Variants in ITIH6 observed in about 807,000 individuals in gnomAD.
ITIH6 encodes inter-alpha-trypsin inhibitor heavy chain family member 6, also known as inter-alpha-trypsin inhibitor heavy chain H6.
In ITIH6, 60 loss-of-function variants were observed where a neutral mutation model predicts 58.2. The observed-to-expected ratio is 1.03, with a 90% CI of 0.84 to 1.28. ITIH6 has a LOEUF of 1.28. Among genes scored for constraint, ITIH6 ranks in the 50% most tolerant of loss-of-function variants. ITIH6 has a pLI of 0.00. For synonymous variants in ITIH6, 493 were observed against 417.4 expected (o/e 1.18, Z -2.21); for missense variants, 1,290 against 1,021.1 (o/e 1.26, Z -3.59).
In ITIH6 at chrX:54,790,372, A is replaced by T. The variant is rs188620191; in HGVS notation, c.616+465T>A. Among the ~76,000 whole-genome samples, 3 of 112,030 alleles carry T rather than the reference A, an allele frequency of 2.7e-5. No individual in the cohort carries two copies. The East Asian group carries it at 8.5e-4, about 32-fold the overall frequency. On this transcript the variant is annotated intron_variant, in intron 4 of 12. Transcript: ENST00000218436. ...AACCTCTAGGTGACATTTGAAGCAAACTTCTGAGGCAGGATGCTTCTCTTC... is the reference window on the plus strand; with the variant it reads ...AACCTCTAGGTGACATTTGAAGCAATCTTCTGAGGCAGGATGCTTCTCTTC...
At chrX:54,755,831 C>T (rs986673725) in intron 8 of ITIH6, among the ~76,000 whole-genome samples, 1 of 110,630 alleles carries the variant, frequency 9.0e-6, no homozygotes, top group Non-Finnish European at 1.9e-5. Context: ...ATGAAGAGGA[C>T]TTTTAACTTC....
At chrX:54,750,427 A>G (rs764430843) in intron 12 of ITIH6, among the ~76,000 whole-genome samples, 4 of 110,365 alleles carry the variant, frequency 3.6e-5, no homozygotes, top group African/African-American at 9.9e-5. Context: ...TATCTGTTTA[A>G]CCCACTGTCA....
At chrX:54,794,199 A>AG (rs778118153) in intron 2 of ITIH6, among the ~76,000 whole-genome samples, 11 of 109,000 alleles carry the variant, frequency 1.0e-4, no homozygotes, top group Non-Finnish European at 1.7e-4. Context: ...CTGGGGGGTG[A>AG]GGGGGGTAGG....
Position 54,772,551 on chromosome X carries a change from C to T in ITIH6, c.903+1530G>A, listed in dbSNP as rs147163845. ...CAAAAATAAAATTGTTTGATAATTTCGACATATCTGACATATTGAAGTCTG... is the reference window on the plus strand; with the variant it reads ...CAAAAATAAAATTGTTTGATAATTTTGACATATCTGACATATTGAAGTCTG... On this transcript the variant is annotated intron_variant, in intron 6 of 12. Coordinates refer to ENST00000218436, the MANE Select transcript of ITIH6 (RefSeq NM_198510.3). Among the ~76,000 whole-genome samples the T allele has an allele frequency of 3.7e-4, 42 of 112,257 alleles. No individual in the cohort carries two copies. The East Asian group carries it at 7.5e-3, about 20-fold the overall frequency.
At chrX:54,774,525 A>G (rs1929017471) in intron 5 of ITIH6, among the ~76,000 whole-genome samples, 1 of 112,985 alleles carries the variant, frequency 8.9e-6, no homozygotes, top group South Asian at 3.6e-4. Flanking sequence ...ACAGCCTTGA[A>G]GGTCCCTAGG....
At position 54,760,073 on chromosome X, in the gene ITIH6, T is replaced by A; in HGVS notation, c.904-146A>T. On this transcript the variant is annotated intron_variant, in intron 6 of 12. Coordinates refer to ENST00000218436, the MANE Select transcript of ITIH6 (RefSeq NM_198510.3). ...GCAGGACTCTGTGAATCTAGGATTC[T>A]CAGGTGAAAAGACTCTATGGGTTCC... The A allele has an allele frequency of 6.2e-6, 3 of 484,638 alleles. No homozygotes were observed. In the South Asian group the frequency reaches 1.2e-4, roughly 19 times the overall value. The allele number at this position is 484,638 out of a possible 1,213,427, so 39.9% of individuals were successfully genotyped here.
chrX:54,782,147 T>A (rs1929161684), intron 5 of ITIH6, among the ~76,000 whole-genome samples: 1 of 111,376 alleles, frequency 9.0e-6, no homozygotes, highest in Non-Finnish European at 1.9e-5. Flanking sequence ...TTGGACACAG[T>A]GGCTCATGCC....
At chrX:54,778,915 C>G (rs1256200069) in intron 5 of ITIH6, among the ~76,000 whole-genome samples, 1 of 108,790 alleles carries the variant, frequency 9.2e-6, no homozygotes, top group Non-Finnish European at 1.9e-5. Flanking sequence ...TAACAGACAT[C>G]TCCAATATTT....
At position 54,757,888 on chromosome X, in the gene ITIH6, A is replaced by G; in HGVS notation, c.2186T>C (p.Val729Ala). ...CAACAGAGTACCAGAATTTGAGGGC[A>G]CAAGAATGGTAGGTTTTGTCCTGAG... is the stretch of plus-strand genomic sequence containing the variant. ...PTLRTKPTIL[V>A]PSNSGTLLPL... Residue 729 changes from valine (V) to alanine (A), a missense_variant, in exon 8 of 13, where the codon GTG (valine) becomes GCG (alanine). Coordinates refer to ENST00000218436, the MANE Select transcript of ITIH6 (RefSeq NM_198510.3). The G allele has an allele frequency of 8.3e-7, 1 of 1,211,576 alleles. No homozygotes were observed. Among genetic ancestry groups the G allele is most frequent in the South Asian group, 1.8e-5 (1 of 56,954 alleles).
intron 6 of ITIH6, among the ~76,000 whole-genome samples, chrX:54,763,831 C>T (rs752852865): frequency 9.0e-6 from 1 of 111,682 alleles, no homozygotes; most frequent in Non-Finnish European, 1.9e-5. Context: ...TCAGTTTTTA[C>T]TTCATATATT....
chrX:54,781,115 G>A lies in ITIH6; in HGVS notation c.787-6918C>T, dbSNP rs991867591. ...CTCAAGATGGTTTAAAAACTTAAAC[G>A]TAAAACCCAAAACTATAAAAACCCT... On this transcript the variant is annotated intron_variant, in intron 5 of 12. Transcript: ENST00000218436. 7.2e-5 allele frequency among the ~76,000 whole-genome samples: 8 copies of A among 111,437 alleles called. No individual in the cohort carries two copies. The South Asian group carries it at 1.1e-3, about 16-fold the overall frequency.
In ITIH6 at chrX:54,758,044, G is replaced by A. The variant is rs112265894; in HGVS notation, c.2030C>T (p.Ser677Phe). 838 of 1,209,644 alleles carry A rather than the reference G, an allele frequency of 6.9e-4. 9 individuals are homozygous for A. In the African/African-American group the frequency reaches 0.012, roughly 17 times the overall value. Residue 677 changes from serine to phenylalanine, a missense_variant, in exon 8 of 13, where the codon TCT (serine) becomes TTT (phenylalanine). Ser to Phe is a radical substitution (Grantham distance 155). Coordinates refer to ENST00000218436, the MANE Select transcript of ITIH6 (RefSeq NM_198510.3). Reference sequence around the variant, plus strand: ...TTTGGAACTTAGCATCTTCTTGGTAGAGGCAGTAGTAGTTGAGGATAAGTA... The same window carrying A: ...TTTGGAACTTAGCATCTTCTTGGTAAAGGCAGTAGTAGTTGAGGATAAGTA... ...KFYLSSTTTA[S>F]TKKMLSSKEL...
At chrX:54,797,196 T>A in intron 1 of ITIH6, 100 bp from the exon 2 acceptor site, 1 of 672,048 alleles carries the variant, frequency 1.5e-6, no homozygotes, top group Non-Finnish European at 2.2e-6. Flanking sequence ...GGCCTCAAAG[T>A]ATACAGGTGG....
chrX:54,774,330 C>A, intron 5 of ITIH6, 133 bp from the exon 6 acceptor site: 1 of 341,678 alleles, frequency 2.9e-6, no homozygotes, highest in Non-Finnish European at 5.3e-6. Flanking sequence ...TCTAAACAGG[C>A]ATGTGTGTGA....
At chrX:54,783,221 C>T (rs1929179333) in intron 5 of ITIH6, among the ~76,000 whole-genome samples, 1 of 112,169 alleles carries the variant, frequency 8.9e-6, no homozygotes, top group Admixed American at 9.4e-5. Flanking sequence ...GACAGACCCA[C>T]AGCTAGTATC....
intron 6 of ITIH6, among the ~76,000 whole-genome samples, chrX:54,769,616 AG>A (rs1228616014): frequency 9.7e-6 from 1 of 103,111 alleles, no homozygotes; most frequent in Admixed American, 1.0e-4. Flanking sequence ...CCTCAGCTGC[AG>A]GTCTGTTGGA....
At chrX:54,784,516 C>A (rs1456039103) in intron 5 of ITIH6, among the ~76,000 whole-genome samples, 2 of 111,393 alleles carry the variant, frequency 1.8e-5, no homozygotes, top group Non-Finnish European at 3.8e-5. Context: ...AAAATCCAAT[C>A]AAAAAAGGGC....
chrX:54,763,041 A>G (rs1928685450), intron 6 of ITIH6, among the ~76,000 whole-genome samples: 1 of 112,210 alleles, frequency 8.9e-6, no homozygotes, highest in South Asian at 3.7e-4. Flanking sequence ...ACAGCTAGTC[A>G]TTGATGGACA....
At chrX:54,790,276 G>A (rs1026658120) in intron 4 of ITIH6, among the ~76,000 whole-genome samples, 12 of 109,900 alleles carry the variant, frequency 1.1e-4, no homozygotes. Context: ...GACCCTGAAG[G>A]CTGGGCTCCA....
Sources: gnomAD v4.1 joint callset for allele counts (sites outside exome capture counted in the v4.1 genomes callset) on GRCh38, gnomAD v4.1.1 for gene constraint, MANE v1.5 for transcripts, NCBI Gene and HGNC (gene_info 2026-07-23, HGNC 2026-07-21) for gene names.